The following GET4 variants were observed in gnomAD, a reference collection of about 807,000 sequenced individuals.
GET4 encodes the protein Golgi to ER traffic protein 4 homolog.
GET4 carries 20 observed loss-of-function variants against 40.0 expected under a neutral mutation model. The ratio of observed to expected loss-of-function variants is 0.50; its 90% CI spans 0.35 to 0.73. The LOEUF is 0.73. Among genes scored for constraint, GET4 ranks in the 30% least tolerant of loss-of-function variants. GET4 has a pLI of 0.01. For missense variants in GET4, 557 were observed against 454.0 expected (o/e 1.23, Z -2.06); for synonymous variants, 280 against 194.6 (o/e 1.44, Z -3.65).
intron 4 of GET4, among the ~76,000 whole-genome samples, chr7:888,199 A>G (rs1844233845): frequency 1.3e-5 from 2 of 152,252 alleles, no homozygotes; most frequent in Middle Eastern, 6.8e-3. Flanking sequence ...CAGCCCCCGC[A>G]TTGGAAGCTC....
chr7:886,218 G>A, intron 2 of GET4, 84 bp downstream of exon 2: 1 of 892,248 alleles, frequency 1.1e-6, no homozygotes, highest in Non-Finnish European at 1.9e-6. Context: ...CTCCACTGAT[G>A]GGCAACCTTG....
intron 4 of GET4, among the ~76,000 whole-genome samples, chr7:888,962 C>T (rs955421990): frequency 2.6e-5 from 4 of 152,270 alleles, no homozygotes; most frequent in Admixed American, 2.0e-4. Context: ...GCCACTCCTG[C>T]GCACGGGCCC....
chr7:877,043 CTGCGTT>C (rs1843969899), intron 1 of GET4, among the ~76,000 whole-genome samples: 1 of 151,650 alleles, frequency 6.6e-6, no homozygotes, highest in Admixed American at 6.6e-5. Context: ...TTCCCCTCTC[CTGCGTT>C]CCTCCTCGGC....
chr7:886,986 C>T (rs1461572622), intron 3 of GET4: 10 of 511,284 alleles, frequency 2.0e-5, no homozygotes, highest in East Asian at 1.9e-4. Context: ...TGTCGGGTGA[C>T]GTGCGGTTGG....
chr7:884,025 G>A lies in GET4; in HGVS notation c.156-2031G>A, dbSNP rs182079964. On this transcript the variant is annotated intron_variant, in intron 1 of 8. Transcript: ENST00000265857. ...AACCAGGCCGGGGGCCGTGACCATCGGCAGTGCCCCCCAGAGCAGGCTCCT... is the reference window on the plus strand; with the variant it reads ...AACCAGGCCGGGGGCCGTGACCATCAGCAGTGCCCCCCAGAGCAGGCTCCT... 8,537 of 1,146,458 alleles carry A rather than the reference G, an allele frequency of 7.4e-3. 477 individuals are homozygous for A. In the African/African-American group the frequency reaches 0.12, roughly 17 times the overall value. The allele number at this position is 1,146,458 out of a possible 1,614,324, so 71.0% of individuals were successfully genotyped here. A position where few individuals can be genotyped will look rare whatever the true frequency, so the allele number is the denominator to read the frequency against.
At chr7:894,269 C>A (rs999288133) in intron 8 of GET4, among the ~76,000 whole-genome samples, 3 of 152,118 alleles carry the variant, frequency 2.0e-5, no homozygotes. Flanking sequence ...CTCTGTGCGC[C>A]ATGCTAGGTG....
Position 895,353 on chromosome 7 carries a change from C to G in GET4, c.915C>G (p.Leu305=). ...GGLLGNLLTS[L]MGSSEQEDGE... ...TTCCAGGGAACCTTCTGACCAGCCT[C>G]ATGGGCTCCTCAGAGCAGGAGGATG... The change falls in exon 9 of 9, where the codon CTC becomes CTG. Residue 305 remains leucine (L), a synonymous_variant. Coordinates refer to ENST00000265857, the MANE Select transcript of GET4 (RefSeq NM_015949.3). 1 of 1,587,238 alleles carries G rather than the reference C, an allele frequency of 6.3e-7. No individual in the cohort carries two copies. The highest frequency in any genetic ancestry group is 8.6e-7 in the Non-Finnish European group (1 of 1,157,770).
intron 1 of GET4, chr7:884,376 C>T (rs1844146326): frequency 7.7e-7 from 1 of 1,300,452 alleles, no homozygotes; most frequent in Admixed American, 2.3e-5. Flanking sequence ...CCTGTCGAGG[C>T]TCCTGCTGTG....
intron 1 of GET4, chr7:885,805 G>C (rs1406416976): frequency 2.0e-6 from 1 of 507,608 alleles, no homozygotes; most frequent in Non-Finnish European, 3.5e-6. Flanking sequence ...GGGTGAGGCT[G>C]CTTTCTGGCT....
chr7:894,779 G>A (rs1014912347), intron 8 of GET4, among the ~76,000 whole-genome samples: 4 of 152,210 alleles, frequency 2.6e-5, no homozygotes, highest in South Asian at 2.1e-4. Context: ...ACGGTGTAAC[G>A]TCTCGTTTGG....
At chr7:884,695 C>T (rs539352103) in intron 1 of GET4, 11 of 174,104 alleles carry the variant, frequency 6.3e-5, no homozygotes, top group Admixed American at 1.2e-4. Context: ...TTTGCGTTCT[C>T]GGCTGGCCTT....
At chr7:895,167 C>T (rs1035408146) in intron 8 of GET4, among the ~76,000 whole-genome samples, 167 bp from the exon 9 acceptor site, 1 of 151,568 alleles carries the variant, frequency 6.6e-6, no homozygotes, top group East Asian at 1.9e-4. Context: ...CCCTGGCCTC[C>T]AGAGTGTCCT....
At chr7:892,559 T>A in intron 6 of GET4, 141 bp downstream of exon 6, 3 of 797,964 alleles carry the variant, frequency 3.8e-6, no homozygotes, top group Non-Finnish European at 5.9e-6. Flanking sequence ...AGGGTATGAG[T>A]GCTGGGTGTA....
intron 1 of GET4, chr7:884,027 C>T: frequency 8.7e-7 from 1 of 1,152,522 alleles, no homozygotes; most frequent in Non-Finnish European, 1.1e-6. Flanking sequence ...TGACCATCGG[C>T]AGTGCCCCCC....
intron 7 of GET4, 29 bp from the exon 8 acceptor site, chr7:893,870 C>A (rs747182756): frequency 2.2e-5 from 35 of 1,611,318 alleles, no homozygotes; most frequent in South Asian, 1.9e-4. Flanking sequence ...GGGTCCACCC[C>A]CTCTGAGCCC....
At position 895,274 on chromosome 7, in the gene GET4, G is replaced by A. The variant is rs574052372; in HGVS notation, c.896-60G>A. 14 of 793,948 alleles carry A rather than the reference G, an allele frequency of 1.8e-5. No homozygotes were observed. In the African/African-American group the frequency reaches 1.9e-4, roughly 11 times the overall value. The allele number at this position is 793,948 out of a possible 1,614,324, so 49.2% of individuals were successfully genotyped here. On this transcript the variant is annotated intron_variant, in intron 8 of 8. Transcript: ENST00000265857. ...CTTGTGAGACGTTTGTGGGAAGGAG[G>A]GGCTTGGGGGCCTGTGGGAGGCTGC...
chr7:883,910 T>G (rs1844133327), intron 1 of GET4: 1 of 1,045,194 alleles, frequency 9.6e-7, no homozygotes, highest in Non-Finnish European at 1.2e-6. Context: ...GGGACCACTG[T>G]GTGCCCAGAA....
chr7:884,100 G>A (rs1394758326), intron 1 of GET4: 1 of 1,195,100 alleles, frequency 8.4e-7, no homozygotes, highest in African/African-American at 1.6e-5. Context: ...TTTTTCTTCT[G>A]GTTTCTAAGT....
chr7:892,735 G>C (rs1844357063), intron 6 of GET4, among the ~76,000 whole-genome samples: 2 of 150,846 alleles, frequency 1.3e-5, no homozygotes, highest in African/African-American at 2.4e-5. Flanking sequence ...GCAGACGTCT[G>C]GGGGGTTGTG....
Sources: gnomAD v4.1 joint callset for allele counts (sites outside exome capture counted in the v4.1 genomes callset) on GRCh38, gnomAD v4.1.1 for gene constraint, MANE v1.5 for transcripts, NCBI Gene and HGNC (gene_info 2026-07-23, HGNC 2026-07-21) for gene names.